PLCE1: variants seen among roughly 807,000 people sequenced by gnomAD.
PLCE1 encodes 1-phosphatidylinositol 4,5-bisphosphate phosphodiesterase epsilon-1.
Under a neutral mutation model 242.8 loss-of-function variants are expected in PLCE1, and 119 were observed. That is an observed-to-expected ratio of 0.49 (90% CI 0.42 to 0.57). The LOEUF (loss-of-function observed/expected upper bound fraction) is 0.57, where lower values mean the gene tolerates loss of function less well. PLCE1 is among the 20% of genes least tolerant of loss of function. The pLI is 0.00. For synonymous variants in PLCE1, 945 were observed against 1,017.4 expected, an observed-to-expected ratio of 0.93 and a Z score of 1.35; for missense variants, 2,441 against 2,788.8, an observed-to-expected ratio of 0.88 and a Z score of 2.81.
intron 2 of PLCE1, among the ~76,000 whole-genome samples, chr10:94,062,875 A>G (rs1358533763): frequency 6.6e-6 from 1 of 152,100 alleles, no homozygotes; most frequent in Non-Finnish European, 1.5e-5. Context: ...TGTACCTCTG[A>G]ACTTCATAAA....
At chr10:94,157,141 G>A (rs1377290609) in intron 3 of PLCE1, among the ~76,000 whole-genome samples, 1 of 152,054 alleles carries the variant, frequency 6.6e-6, no homozygotes, top group East Asian at 1.9e-4. Flanking sequence ...ATTATGGTGG[G>A]CACCACACCA....
intron 4 of PLCE1, among the ~76,000 whole-genome samples, chr10:94,226,794 TAAAG>T (rs1021256039): frequency 3.4e-5 from 5 of 146,068 alleles, no homozygotes; most frequent in African/African-American, 1.3e-4. Context: ...TTAAAGAAAA[TAAAG>T]AGAGAGTTAT....
In PLCE1 at chr10:94,044,813, AT is replaced by A. The variant is rs140708317; in HGVS notation, c.1206+12570del. Among the ~76,000 whole-genome samples the A allele has an allele frequency of 5.9e-5, 9 of 151,776 alleles. No individual in the cohort carries two copies. The East Asian group carries it at 1.6e-3, about 26-fold the overall frequency. On this transcript the variant is annotated intron_variant, in intron 2 of 32. Transcript: ENST00000371380. ...AGAGCTTCTGAAGCCCAAAACTTCG[AT>A]TTTTTTTTCTTGGATTCATACATTA...
chr10:94,027,815 A>ATC, intron 1 of PLCE1, among the ~76,000 whole-genome samples: 1 of 136,834 alleles, frequency 7.3e-6, no homozygotes, highest in Non-Finnish European at 1.5e-5. Context: ...GTGAGACTCC[A>ATC]TCTCAAAATA....
At chr10:94,165,352 G>T (rs559061703) in intron 3 of PLCE1, among the ~76,000 whole-genome samples, 4 of 152,146 alleles carry the variant, frequency 2.6e-5, no homozygotes, top group Admixed American at 6.5e-5. Context: ...CCCCAGCCTC[G>T]CTGCCGCCTT....
intron 4 of PLCE1, among the ~76,000 whole-genome samples, chr10:94,220,247 G>A (rs182727778): frequency 1.3e-4 from 19 of 150,704 alleles, no homozygotes; most frequent in African/African-American, 4.4e-4. Context: ...CATATATGTA[G>A]CCAAGCACAG....
chr10:94,124,381 G>GA (rs981911349), intron 2 of PLCE1, among the ~76,000 whole-genome samples: 4,140 of 58,514 alleles, frequency 0.071, 177 homozygotes, highest in African/African-American at 0.18. Context: ...TTGTCTCAGA[G>GA]AAAAAAAAAA....
chr10:94,043,849 T>C (rs1366953161), intron 2 of PLCE1, among the ~76,000 whole-genome samples: 2 of 152,178 alleles, frequency 1.3e-5, no homozygotes, highest in Non-Finnish European at 2.9e-5. Context: ...GAGAATGCCA[T>C]TATTATGGTG....
rs1274580178 is a variant in PLCE1, at chr10:94,234,243, A to C, written c.2145A>C (p.Glu715Asp). 1 of 1,613,944 alleles carries C rather than the reference A, an allele frequency of 6.2e-7. No individual in the cohort carries two copies. Among genetic ancestry groups the C allele is most frequent in the African/African-American group, 1.3e-5 (1 of 74,894 alleles). ...FCGVFLKELC[E>D]VLDGASGLMK... ...GGGTGTTTCTGAAGGAGCTCTGTGA[A>C]GTGCTTGACGGCGCCTCCGGTCTCA... Residue 715 changes from glutamate (E) to aspartate (D), a missense_variant, in exon 6 of 33, where the codon GAA (glutamate) becomes GAC (aspartate). This residue lies in a region of PLCE1 where 733 missense variants were observed against 754.2 expected (regional missense o/e 0.97). Transcript: ENST00000371380.
chr10:94,162,850 G>T (rs1022326234), intron 3 of PLCE1, among the ~76,000 whole-genome samples: 2 of 152,128 alleles, frequency 1.3e-5, no homozygotes, highest in African/African-American at 4.8e-5. Flanking sequence ...ATTCTGGTAT[G>T]TTGTGTCTTT....
intron 3 of PLCE1, among the ~76,000 whole-genome samples, chr10:94,152,600 T>G (rs2047309361): frequency 6.6e-6 from 1 of 152,236 alleles, no homozygotes. Flanking sequence ...TTGGACAAGT[T>G]ACTTAACATC....
intron 4 of PLCE1, among the ~76,000 whole-genome samples, chr10:94,179,645 A>G (rs1466414990): frequency 6.6e-6 from 1 of 150,490 alleles, no homozygotes; most frequent in Admixed American, 6.7e-5. Flanking sequence ...AGTTGGGACT[A>G]CAGGTGCACA....
chr10:94,135,653 C>T (rs924401195), intron 3 of PLCE1, among the ~76,000 whole-genome samples: 1 of 152,176 alleles, frequency 6.6e-6, no homozygotes, highest in Non-Finnish European at 1.5e-5. Context: ...TAACCCATAA[C>T]ACAGTTGTGA....
At chr10:94,137,853 A>G in intron 3 of PLCE1, 2 of 260,658 alleles carry the variant, frequency 7.7e-6, no homozygotes, top group East Asian at 1.2e-4. Flanking sequence ...ATGATTCATA[A>G]TTTGCTGCTC....
chr10:94,289,306 G>A (rs1564865680), intron 22 of PLCE1, among the ~76,000 whole-genome samples: 1 of 152,164 alleles, frequency 6.6e-6, no homozygotes, highest in South Asian at 2.1e-4. Flanking sequence ...AGTGGCTCTC[G>A]GACCATCCCC....
At position 94,078,460 on chromosome 10, in the gene PLCE1, A is replaced by ATGAAGC. The variant is rs2044566651; in HGVS notation, c.1206+46209_1206+46214dup. 3.3e-5 allele frequency among the ~76,000 whole-genome samples: 5 copies of ATGAAGC among 152,116 alleles called. No homozygotes were observed. The South Asian group carries it at 1.0e-3, about 32-fold the overall frequency. On this transcript the variant is annotated intron_variant, in intron 2 of 32. Coordinates refer to ENST00000371380, the MANE Select transcript of PLCE1 (RefSeq NM_016341.4). ...CGTACAAATTAGCCCCTCAGAAAAC[A>ATGAAGC]TGAAGCATGGTCTTGAAAATCACTT...
chr10:94,220,376 T>TATATATATATATATA (rs2049686957), intron 4 of PLCE1, among the ~76,000 whole-genome samples: 1 of 61,878 alleles, frequency 1.6e-5, no homozygotes, highest in Non-Finnish European at 2.9e-5. Context: ...ACTAAACATT[T>TATATATATATATATA]TATATATATA....
intron 2 of PLCE1, among the ~76,000 whole-genome samples, chr10:94,123,448 G>A (rs1454565729): frequency 2.6e-5 from 4 of 152,184 alleles, no homozygotes; most frequent in Non-Finnish European, 5.9e-5. Flanking sequence ...TCTTGCTCGT[G>A]CATGGTCTGA....
chr10:94,138,523 T>A (rs2046855350), intron 3 of PLCE1: 4 of 478,516 alleles, frequency 8.4e-6, no homozygotes, highest in Admixed American at 4.6e-5. Flanking sequence ...TCCAGCCTAG[T>A]GCTGTGGTCA....
Sources: allele counts gnomAD v4.1 joint callset (sites outside exome capture counted in the v4.1 genomes callset), GRCh38; gene constraint gnomAD v4.1.1; regional missense constraint gnomAD v4.1.1; transcripts MANE v1.5; gene names NCBI Gene and HGNC (gene_info 2026-07-23, HGNC 2026-07-21).